The following KIAA0825 variants were observed in gnomAD, a reference collection of about 807,000 sequenced individuals.
The protein encoded by KIAA0825 is KIAA0825, also known as uncharacterized protein KIAA0825.
KIAA0825 carries 119 observed loss-of-function variants against 147.6 expected under a neutral mutation model. The observed-to-expected ratio is 0.81, with a 90% CI of 0.69 to 0.94. The LOEUF is 0.94. Among genes scored for constraint, KIAA0825 ranks in the 40% least tolerant of loss-of-function variants. The pLI, the probability that KIAA0825 is intolerant of heterozygous loss-of-function variation, is 0.00. For missense variants in KIAA0825, 1,381 were observed against 1,472.7 expected, an observed-to-expected ratio of 0.94 and a Z score of 1.02; for synonymous variants, 470 against 518.1, an observed-to-expected ratio of 0.91 and a Z score of 1.26.
In KIAA0825 at chr5:94,520,234, T is replaced by A. The variant is rs770505011; in HGVS notation, c.970+14A>T. 6.4e-7 allele frequency: 1 copy of A among 1,551,370 alleles called. No homozygotes were observed. On this transcript the variant is annotated intron_variant, in intron 5 of 20. Transcript: ENST00000682413. ...CTTAAGTTAAACCAAACAAAAATTT[T>A]AAATGTCACTAACCCAAAGCATGCA...
At chr5:94,286,573 G>A (rs1468160520) in intron 20 of KIAA0825, among the ~76,000 whole-genome samples, 1 of 151,704 alleles carries the variant, frequency 6.6e-6, no homozygotes, top group Non-Finnish European at 1.5e-5. Context: ...TTTTTTTAGA[G>A]ACTGGGTCTT....
At chr5:94,594,001 T>G in intron 1 of KIAA0825, 1 of 498,478 alleles carries the variant, frequency 2.0e-6, no homozygotes, top group Non-Finnish European at 4.0e-6. Context: ...ATTCAGAATT[T>G]TTAACTATGA....
Position 94,445,940 on chromosome 5 carries a change from T to A in KIAA0825, c.2358-5819A>T, listed in dbSNP as rs182434733. ...CACTATGTCAATGCTTGGCACCTCA[T>A]CAGAGCACAAGATCGCTAAGCTCTT... On this transcript the variant is annotated intron_variant, in intron 13 of 20. Coordinates refer to ENST00000682413, the MANE Select transcript of KIAA0825 (RefSeq NM_001145678.3). Among the ~76,000 whole-genome samples, 6 of 152,268 alleles carry A rather than the reference T, an allele frequency of 3.9e-5. No individual in the cohort carries two copies. In the East Asian group the frequency reaches 1.2e-3, roughly 29 times the overall value.
intron 5 of KIAA0825, among the ~76,000 whole-genome samples, chr5:94,503,684 G>T (rs886443950): frequency 1.3e-5 from 2 of 152,132 alleles, no homozygotes; most frequent in Non-Finnish European, 2.9e-5. Flanking sequence ...CCATACTCAT[G>T]CTCATGCCTT....
intron 20 of KIAA0825, among the ~76,000 whole-genome samples, chr5:94,251,585 A>G (rs1775966454): frequency 6.6e-6 from 1 of 152,130 alleles, no homozygotes; most frequent in Non-Finnish European, 1.5e-5. Context: ...AAATCTGTAC[A>G]TGATGAAAGA....
chr5:94,475,024 G>A (rs552996599), intron 7 of KIAA0825, among the ~76,000 whole-genome samples: 3 of 151,892 alleles, frequency 2.0e-5, no homozygotes, highest in Admixed American at 6.6e-5. Context: ...GGGAGGCGGA[G>A]GTTGCAGTGA....
intron 20 of KIAA0825, among the ~76,000 whole-genome samples, chr5:94,264,693 T>C (rs1199955471): frequency 6.6e-6 from 1 of 152,100 alleles, no homozygotes; most frequent in Non-Finnish European, 1.5e-5. Flanking sequence ...AACTTATAAC[T>C]CTCTGCATTT....
intron 1 of KIAA0825, among the ~76,000 whole-genome samples, chr5:94,612,838 CTAATT>C (rs918557861): frequency 2.0e-5 from 3 of 152,120 alleles, no homozygotes; most frequent in Admixed American, 2.0e-4. Context: ...GCCACAGACC[CTAATT>C]TAAAACAGTG....
At chr5:94,166,116 C>A (rs1002512698) in intron 20 of KIAA0825, among the ~76,000 whole-genome samples, 1 of 151,958 alleles carries the variant, frequency 6.6e-6, no homozygotes, top group Admixed American at 6.6e-5. Context: ...TCTCATGTAC[C>A]CCATAAATAT....
chr5:94,575,253 T>C (rs10476612), intron 2 of KIAA0825, among the ~76,000 whole-genome samples: 35,290 of 151,738 alleles, frequency 0.23, 4,433 homozygotes, highest in Non-Finnish European at 0.27. Context: ...AACAAGGTGT[T>C]AAGATGGTTT....
chr5:94,206,007 A>G (rs1165131369), intron 20 of KIAA0825, among the ~76,000 whole-genome samples: 1 of 152,098 alleles, frequency 6.6e-6, no homozygotes, highest in African/African-American at 2.4e-5. Flanking sequence ...TATTTTCTTC[A>G]GAAATAGTAA....
chr5:94,264,380 C>T (rs1006937310), intron 20 of KIAA0825, among the ~76,000 whole-genome samples: 4 of 152,162 alleles, frequency 2.6e-5, no homozygotes, highest in Non-Finnish European at 5.9e-5. Flanking sequence ...ACATGGTAAT[C>T]TCTTAGTACA....
intron 20 of KIAA0825, among the ~76,000 whole-genome samples, chr5:94,298,248 A>C (rs565626057): frequency 4.0e-5 from 6 of 148,834 alleles, no homozygotes; most frequent in Non-Finnish European, 6.0e-5. Flanking sequence ...ACTCCGTCCC[A>C]AAAAAAAAAG....
intron 20 of KIAA0825, among the ~76,000 whole-genome samples, chr5:94,192,921 G>T (rs1039504496): frequency 6.6e-6 from 1 of 152,114 alleles, no homozygotes; most frequent in African/African-American, 2.4e-5. Context: ...TTTCTAGAAC[G>T]CAGTTCCCTT....
intron 13 of KIAA0825, among the ~76,000 whole-genome samples, chr5:94,443,348 A>T (rs1562501594): frequency 1.4e-5 from 2 of 138,186 alleles, no homozygotes; most frequent in African/African-American, 5.2e-5. Flanking sequence ...ATATATATAT[A>T]TGTATATATA....
At chr5:94,333,189 TG>T (rs1781460933) in intron 20 of KIAA0825, among the ~76,000 whole-genome samples, 1 of 152,204 alleles carries the variant, frequency 6.6e-6, no homozygotes, top group African/African-American at 2.4e-5. Context: ...CTGCTCTCCC[TG>T]ATGACAGTTT....
intron 2 of KIAA0825, among the ~76,000 whole-genome samples, chr5:94,538,062 T>C (rs1157562654): frequency 6.6e-6 from 1 of 152,242 alleles, no homozygotes; most frequent in Non-Finnish European, 1.5e-5. Flanking sequence ...TGATAGGTTA[T>C]ATACACTGCT....
chr5:94,464,060 C>A (rs1760168591), intron 11 of KIAA0825, among the ~76,000 whole-genome samples: 1 of 109,572 alleles, frequency 9.1e-6, no homozygotes, highest in African/African-American at 3.6e-5. Flanking sequence ...ATGATTCCTC[C>A]TGCCAAAAAA....
chr5:94,339,169 C>T (rs1374093408), intron 20 of KIAA0825, among the ~76,000 whole-genome samples: 1 of 152,076 alleles, frequency 6.6e-6, no homozygotes, highest in African/African-American at 2.4e-5. Flanking sequence ...CTTCTAAATG[C>T]ACTAGCTCAC....
Sources: allele counts gnomAD v4.1 joint callset (sites outside exome capture counted in the v4.1 genomes callset), GRCh38; gene constraint gnomAD v4.1.1; transcripts MANE v1.5; gene names NCBI Gene and HGNC (gene_info 2026-07-23, HGNC 2026-07-21).